IL1RAPL1: variants seen among roughly 807,000 people sequenced by gnomAD.
The protein encoded by IL1RAPL1 is interleukin-1 receptor accessory protein-like 1.
A neutral mutation model predicts 48.4 loss-of-function variants in IL1RAPL1; 3 were observed. The ratio of observed to expected loss-of-function variants is 0.06; its 90% confidence interval spans 0.03 to 0.16. The LOEUF is 0.16. IL1RAPL1 is among the 10% of genes least tolerant of loss of function. The probability of loss-of-function intolerance (pLI) is 1.00; values close to 1 mark genes in which losing one functional copy is unlikely to be tolerated. For missense variants in IL1RAPL1, 349 were observed against 530.6 expected, an observed-to-expected ratio of 0.66 and a Z score of 3.36; for synonymous variants, 185 against 187.7, an observed-to-expected ratio of 0.99 and a Z score of 0.12.
At chrX:29,635,518 C>CA (rs1403387681) in intron 5 of IL1RAPL1, among the ~76,000 whole-genome samples, 1 of 111,373 alleles carries the variant, frequency 9.0e-6, no homozygotes, top group Admixed American at 9.6e-5. Context: ...AACAAGTTCT[C>CA]AAAAAACATA....
At chrX:28,980,768 A>G (rs927169799) in intron 2 of IL1RAPL1, among the ~76,000 whole-genome samples, 1 of 109,821 alleles carries the variant, frequency 9.1e-6, no homozygotes, top group Non-Finnish European at 1.9e-5. Context: ...TTAAGGCTCA[A>G]GGGTCAAGTA....
At chrX:28,919,761 A>G (rs1450700724) in intron 2 of IL1RAPL1, among the ~76,000 whole-genome samples, 1 of 112,373 alleles carries the variant, frequency 8.9e-6, no homozygotes, top group African/African-American at 3.2e-5. Flanking sequence ...TGAATGCTAT[A>G]GCTGACAAAT....
chrX:29,213,760 C>T (rs149714263), intron 2 of IL1RAPL1, among the ~76,000 whole-genome samples: 1,651 of 111,777 alleles, frequency 0.015, 35 homozygotes, highest in African/African-American at 0.05. Flanking sequence ...GTCTTTACTT[C>T]GATATATTCT....
chrX:28,916,110 C>T (rs768248591), intron 2 of IL1RAPL1, among the ~76,000 whole-genome samples: 3 of 110,490 alleles, frequency 2.7e-5, no homozygotes, highest in African/African-American at 9.9e-5. Context: ...TTATTTCTTC[C>T]CTACTAACAT....
chrX:29,830,822 T>C (rs1329845739), intron 6 of IL1RAPL1, among the ~76,000 whole-genome samples: 3 of 110,950 alleles, frequency 2.7e-5, no homozygotes, highest in Non-Finnish European at 5.7e-5. Context: ...AGGGCAAAAT[T>C]TGGGAGTACC....
chrX:29,103,365 T>C (rs1305390402), intron 2 of IL1RAPL1, among the ~76,000 whole-genome samples: 1 of 111,563 alleles, frequency 9.0e-6, no homozygotes, highest in Non-Finnish European at 1.9e-5. Context: ...AGAACATACA[T>C]TGAGTAAAAA....
At chrX:29,341,788 C>A (rs977414229) in intron 3 of IL1RAPL1, among the ~76,000 whole-genome samples, 1 of 110,410 alleles carries the variant, frequency 9.1e-6, no homozygotes, top group African/African-American at 3.3e-5. Context: ...TACTGATGTA[C>A]CGTGATTGCT....
At chrX:28,818,861 G>GT (rs1162387520) in intron 2 of IL1RAPL1, among the ~76,000 whole-genome samples, 1 of 110,882 alleles carries the variant, frequency 9.0e-6, no homozygotes, top group African/African-American at 3.3e-5. Context: ...GTACACTCTA[G>GT]TTTCTCTAGT....
chrX:29,478,548 G>T (rs989553620), intron 5 of IL1RAPL1, among the ~76,000 whole-genome samples: 1 of 110,341 alleles, frequency 9.1e-6, no homozygotes, highest in Non-Finnish European at 1.9e-5. Flanking sequence ...ACTAGTCCCT[G>T]GTCAGAACAC....
In IL1RAPL1 at chrX:29,406,720, T is replaced by C. The variant is rs142150858; in HGVS notation, c.703+7412T>C. ...GTCAAATAACATCAGTTTTCTTATA[T>C]TGTTAAGTCAAATGCCTGCCTGTGG... On this transcript the variant is annotated intron_variant, in intron 5 of 10. Transcript: ENST00000378993. Among the ~76,000 whole-genome samples, 256 of 97,167 alleles carry C rather than the reference T, an allele frequency of 2.6e-3. 3 individuals are homozygous for C. Among genetic ancestry groups the C allele is most frequent in the African/African-American group, 0.011 (230 of 21,032 alleles). The allele number at this position is 97,167 out of a possible 115,157, so 84.4% of individuals were successfully genotyped here.
chrX:29,129,455 A>C (rs1928970577), intron 2 of IL1RAPL1, among the ~76,000 whole-genome samples: 1 of 111,537 alleles, frequency 9.0e-6, no homozygotes, highest in Non-Finnish European at 1.9e-5. Context: ...TGTGTGGGAA[A>C]ATTTAAAAAA....
intron 2 of IL1RAPL1, among the ~76,000 whole-genome samples, chrX:29,086,679 C>G (rs1230282662): frequency 8.9e-6 from 1 of 112,029 alleles, no homozygotes; most frequent in African/African-American, 3.2e-5. Flanking sequence ...ATGCCAATCA[C>G]CTATTAACAA....
chrX:29,933,325 T>C (rs776258827), intron 8 of IL1RAPL1, among the ~76,000 whole-genome samples: 1 of 111,231 alleles, frequency 9.0e-6, no homozygotes, highest in Non-Finnish European at 1.9e-5. Flanking sequence ...CCAGAACTTA[T>C]AATAAAAGAA....
intron 3 of IL1RAPL1, among the ~76,000 whole-genome samples, chrX:29,362,222 C>A: frequency 8.9e-6 from 1 of 112,185 alleles, no homozygotes; most frequent in East Asian, 2.8e-4. Context: ...AAATGTATTT[C>A]TTCTTAATGT....
chrX:29,637,734 T>C (rs752563483), intron 5 of IL1RAPL1, among the ~76,000 whole-genome samples: 6 of 111,655 alleles, frequency 5.4e-5, no homozygotes, highest in Non-Finnish European at 9.4e-5. Context: ...AAAAGCTTAA[T>C]TGAAAAAGCA....
intron 2 of IL1RAPL1, among the ~76,000 whole-genome samples, chrX:28,817,889 G>A (rs933393671): frequency 1.8e-5 from 2 of 110,907 alleles, no homozygotes; most frequent in African/African-American, 6.5e-5. Context: ...TTTTGATGGG[G>A]AGTGTTTAAG....
chrX:29,857,774 A>G (rs1336047667), intron 6 of IL1RAPL1, among the ~76,000 whole-genome samples: 1 of 111,645 alleles, frequency 9.0e-6, no homozygotes, highest in Non-Finnish European at 1.9e-5. Flanking sequence ...GGTAAAACCT[A>G]AATGGTTTTA....
intron 6 of IL1RAPL1, among the ~76,000 whole-genome samples, chrX:29,802,955 G>T (rs369470730): frequency 8.2e-4 from 39 of 47,508 alleles, no homozygotes; most frequent in African/African-American, 3.3e-3. Flanking sequence ...ATGCATATAT[G>T]TATACATGTG....
At chrX:28,685,221 G>A (rs999700214) in intron 1 of IL1RAPL1, among the ~76,000 whole-genome samples, 1 of 112,152 alleles carries the variant, frequency 8.9e-6, no homozygotes, top group Non-Finnish European at 1.9e-5. Flanking sequence ...TCACTTCCTT[G>A]GTGAAACCCC....
Sources: gnomAD v4.1 joint callset for allele counts (sites outside exome capture counted in the v4.1 genomes callset) on GRCh38, gnomAD v4.1.1 for gene constraint, MANE v1.5 for transcripts, NCBI Gene and HGNC (gene_info 2026-07-23, HGNC 2026-07-21) for gene names.